Variants in FRK observed in about 807,000 individuals in gnomAD.
The protein encoded by FRK is tyrosine-protein kinase FRK.
Under a neutral mutation model 56.4 loss-of-function variants are expected in FRK, and 51 were observed. That is an observed-to-expected ratio of 0.90 (90% confidence interval 0.72 to 1.14). The LOEUF is 1.14. Ranked by LOEUF, FRK falls within the 50% of genes most tolerant of loss-of-function variation. The pLI is 0.00. For synonymous variants in FRK, 245 were observed against 217.9 expected (o/e 1.12, Z -1.10); for missense variants, 570 against 601.4 (o/e 0.95, Z 0.55).
chr6:116,091,184 C>T, the FRK span, among the ~76,000 whole-genome samples: 1 of 152,210 alleles, frequency 6.6e-6, no homozygotes, highest in Non-Finnish European at 1.5e-5. Flanking sequence ...TACCAATCAG[C>T]ACTCTGTGTC....
At chr6:115,951,763 C>T (rs1280744241) in intron 5 of FRK, among the ~76,000 whole-genome samples, 2 of 152,304 alleles carry the variant, frequency 1.3e-5, no homozygotes, top group Admixed American at 6.5e-5. Context: ...TTGAGTGACA[C>T]ACATTTCCTA....
intron 1 of FRK, among the ~76,000 whole-genome samples, chr6:116,028,943 G>A (rs1776199658): frequency 3.9e-5 from 6 of 152,088 alleles, no homozygotes; most frequent in Admixed American, 3.9e-4. Context: ...TCATTGGAAG[G>A]AAAGAGGAAA....
the FRK span, among the ~76,000 whole-genome samples, chr6:116,091,943 G>T: frequency 3.3e-5 from 5 of 152,148 alleles, no homozygotes; most frequent in African/African-American, 1.2e-4. Flanking sequence ...TCACCCAAGC[G>T]AAACTTGCCC....
At chr6:115,994,338 C>CTTTTT (rs138130403) in intron 2 of FRK, among the ~76,000 whole-genome samples, 1 of 91,768 alleles carries the variant, frequency 1.1e-5, no homozygotes, top group Non-Finnish European at 2.4e-5. Context: ...CCCCCCCCGC[C>CTTTTT]TTTTTTTTGT....
the FRK span, among the ~76,000 whole-genome samples, chr6:116,094,492 T>C: frequency 6.6e-6 from 1 of 152,234 alleles, no homozygotes; most frequent in South Asian, 2.1e-4. Context: ...ATTGGTAGAC[T>C]TTGCTACAGA....
the FRK span, among the ~76,000 whole-genome samples, chr6:116,080,139 T>G: frequency 2.6e-5 from 4 of 152,132 alleles, no homozygotes; most frequent in African/African-American, 9.7e-5. Context: ...AAAAATGTTT[T>G]TAAAATCTAG....
chr6:115,941,154 T>C lies in FRK; in HGVS notation c.*1260A>G, dbSNP rs1229250271. On this transcript the variant is annotated 3_prime_UTR_variant, in exon 8 of 8. Transcript: ENST00000606080. ...GTGGCACATAGACACTATGGAATAC[T>C]ATGCAGCCATAAAAAAGGATGAGTT... is the stretch of plus-strand genomic sequence containing the variant. 9 of 152,210 alleles carry C rather than the reference T, an allele frequency of 5.9e-5. No individual in the cohort carries two copies. Among genetic ancestry groups the C allele is most frequent in the African/African-American group, 2.2e-4 (9 of 41,458 alleles). The allele number at this position is 152,210 out of a possible 1,614,324, so 9.4% of individuals were successfully genotyped here.
chr6:115,993,173 G>A (rs900130353), intron 2 of FRK, among the ~76,000 whole-genome samples: 7 of 151,688 alleles, frequency 4.6e-5, no homozygotes, highest in African/African-American at 1.4e-4. Flanking sequence ...AAATAAAGGC[G>A]AGAGAGAGGG....
At chr6:116,100,347 G>A in the FRK span, among the ~76,000 whole-genome samples, 1 of 152,226 alleles carries the variant, frequency 6.6e-6, no homozygotes, top group Non-Finnish European at 1.5e-5. Flanking sequence ...GGAATATAAA[G>A]TTTTTGGTTT....
rs540353292 is a variant in FRK at position 115,992,059 on chromosome 6, CTTTT to C, written c.466+11814_466+11817del. On this transcript the variant is annotated intron_variant, in intron 2 of 7. Transcript: ENST00000606080. ...GTGCTTCTTTGAATCTTCTCTCTCTCTTTTTGTTTCTTTCTTTTAGTTAACCTAG... is the reference window on the plus strand; with the variant it reads ...GTGCTTCTTTGAATCTTCTCTCTCTCTGTTTCTTTCTTTTAGTTAACCTAG... Among the ~76,000 whole-genome samples the C allele has an allele frequency of 5.6e-3, 843 of 151,696 alleles. 2 individuals are homozygous for C. Among genetic ancestry groups the C allele is most frequent in the Non-Finnish European group, 8.6e-3 (579 of 67,658 alleles).
At chr6:115,973,055 AAATAC>A (rs1475925283) in intron 2 of FRK, among the ~76,000 whole-genome samples, 3 of 152,214 alleles carry the variant, frequency 2.0e-5, no homozygotes, top group Admixed American at 1.3e-4. Context: ...CTTTACATTA[AAATAC>A]AAAAGGCAAG....
intron 4 of FRK, among the ~76,000 whole-genome samples, chr6:115,958,684 GAAA>G (rs56723517): frequency 8.0e-3 from 51 of 6,402 alleles, no homozygotes; most frequent in Admixed American, 0.017. Context: ...AAGAAAGAAA[GAAA>G]GAAAGAAAGA....
At chr6:115,979,857 T>G (rs1441471947) in intron 2 of FRK, among the ~76,000 whole-genome samples, 1 of 152,146 alleles carries the variant, frequency 6.6e-6, no homozygotes, top group Admixed American at 6.6e-5. Context: ...CCACAGAGCT[T>G]AAGTGTGTAG....
rs146262814 is a variant in FRK at position 115,990,679 on chromosome 6, T to G, written c.466+13198A>C. Among the ~76,000 whole-genome samples the G allele has an allele frequency of 3.9e-3, 594 of 152,062 alleles. 6 individuals are homozygous for G. The highest frequency in any genetic ancestry group is 0.014 in the African/African-American group (576 of 41,536). On this transcript the variant is annotated intron_variant, in intron 2 of 7. Coordinates refer to ENST00000606080, the MANE Select transcript of FRK (RefSeq NM_002031.3). ...CATTCTGTTGTACTTATTATAGCCT[T>G]GTAATGTAGCATGAAGTTGGGTAAT...
intron 1 of FRK, among the ~76,000 whole-genome samples, chr6:116,019,489 G>T (rs543158731): frequency 6.6e-6 from 1 of 152,134 alleles, no homozygotes; most frequent in African/African-American, 2.4e-5. Flanking sequence ...ATCCTATGAC[G>T]ACGATGACAA....
intron 1 of FRK, among the ~76,000 whole-genome samples, chr6:116,046,302 A>C (rs539830319): frequency 7.1e-4 from 108 of 152,202 alleles, no homozygotes; most frequent in Non-Finnish European, 1.3e-3. Context: ...AAGGATTATA[A>C]ATCATTCTAC....
chr6:116,038,475 T>C (rs1327508528), intron 1 of FRK, among the ~76,000 whole-genome samples: 1 of 152,040 alleles, frequency 6.6e-6, no homozygotes, highest in Non-Finnish European at 1.5e-5. Flanking sequence ...TAAAGACAAA[T>C]ATGGTTATTA....
intron 1 of FRK, among the ~76,000 whole-genome samples, chr6:116,021,751 C>T (rs1161447194): frequency 1.3e-5 from 2 of 151,884 alleles, no homozygotes; most frequent in African/African-American, 4.8e-5. Flanking sequence ...TTTTCAAAGC[C>T]ATATATTCCC....
chr6:115,943,109 C>T lies in FRK; in HGVS notation c.1217G>A (p.Arg406His), dbSNP rs377733382. 4.3e-5 allele frequency: 70 copies of T among 1,613,384 alleles called. No homozygotes were observed. The highest frequency in any genetic ancestry group is 4.7e-5 in the Non-Finnish European group (56 of 1,179,648). Residue 406 changes from arginine to histidine, a missense_variant, in exon 7 of 8, where the codon CGT (arginine) becomes CAT (histidine). By Grantham distance (29) the Arg-to-His change is conservative. Coordinates refer to ENST00000606080, the MANE Select transcript of FRK (RefSeq NM_002031.3). ...GGACTTAATGCTGAATTTATTACTA[C>T]GAATGGCTTCGGGCGCAGTCCACTT... is the stretch of plus-strand genomic sequence containing the variant. The part of the protein sequence containing the change: ...PVKWTAPEAI[R>H]SNKFSIKSDV...
Sources: gnomAD v4.1 joint callset for allele counts (sites outside exome capture counted in the v4.1 genomes callset) on GRCh38, gnomAD v4.1.1 for gene constraint, MANE v1.5 for transcripts, NCBI Gene and HGNC (gene_info 2026-07-23, HGNC 2026-07-21) for gene names.